Variants in FOCAD observed in about 807,000 individuals in gnomAD.
FOCAD encodes the protein focadhesin.
FOCAD carries 198 observed loss-of-function variants against 225.6 expected under a neutral mutation model. That is an observed-to-expected ratio of 0.88 (90% confidence interval 0.78 to 0.99). FOCAD has a LOEUF of 0.99. FOCAD is among the 50% of genes least tolerant of loss of function. The pLI is 0.00. For synonymous variants in FOCAD, 897 were observed against 755.0 expected, an observed-to-expected ratio of 1.19 and a Z score of -3.08; for missense variants, 2,713 against 2,123.6, an observed-to-expected ratio of 1.28 and a Z score of -5.46.
chr9:20,876,953 A>C (rs1197704397), intron 19 of FOCAD, among the ~76,000 whole-genome samples: 1 of 152,216 alleles, frequency 6.6e-6, no homozygotes, highest in Non-Finnish European at 1.5e-5. Context: ...TGTTACTGCT[A>C]TTGATTATTA....
chr9:20,811,856 G>A (rs1472980410), intron 11 of FOCAD, among the ~76,000 whole-genome samples: 1 of 151,926 alleles, frequency 6.6e-6, no homozygotes, highest in Non-Finnish European at 1.5e-5. Flanking sequence ...AGTTTTAAAA[G>A]TCTCTTCCAA....
chr9:20,974,464 C>G (rs555474972), intron 35 of FOCAD, among the ~76,000 whole-genome samples: 20 of 106,280 alleles, frequency 1.9e-4, no homozygotes, highest in African/African-American at 6.8e-4. Flanking sequence ...TTTGCTGTCT[C>G]TGCCCTACTT....
intron 11 of FOCAD, among the ~76,000 whole-genome samples, chr9:20,818,980 T>C (rs1848716754): frequency 6.6e-6 from 1 of 152,148 alleles, no homozygotes; most frequent in South Asian, 2.1e-4. Context: ...TTAACAATGT[T>C]ATGTCTTCTA....
intron 16 of FOCAD, among the ~76,000 whole-genome samples, chr9:20,863,775 GC>G (rs773707116): frequency 1.3e-5 from 2 of 152,046 alleles, no homozygotes; most frequent in African/African-American, 4.8e-5. Context: ...CCAATGTAAG[GC>G]CATATTGGGT....
intron 16 of FOCAD, among the ~76,000 whole-genome samples, chr9:20,865,109 G>A (rs1044435666): frequency 1.3e-5 from 2 of 151,992 alleles, no homozygotes; most frequent in African/African-American, 2.4e-5. Context: ...GAAGCTCAAA[G>A]GTAGGTAAAG....
At chr9:20,976,627 A>C in intron 36 of FOCAD, 79 bp downstream of exon 36, 1 of 1,427,264 alleles carries the variant, frequency 7.0e-7, no homozygotes, top group Admixed American at 1.7e-5. Flanking sequence ...TCTGTGTCAC[A>C]ATGTGTAGTG....
At chr9:20,756,881 C>T (rs1403831740) in intron 5 of FOCAD, among the ~76,000 whole-genome samples, 1 of 152,046 alleles carries the variant, frequency 6.6e-6, no homozygotes, top group Non-Finnish European at 1.5e-5. Context: ...TCCTTTTATG[C>T]TAAAAAGATT....
intron 41 of FOCAD, among the ~76,000 whole-genome samples, chr9:20,988,637 T>C (rs542725556): frequency 6.6e-6 from 1 of 152,216 alleles, no homozygotes; most frequent in South Asian, 2.1e-4. Context: ...CACTTAATGA[T>C]TCTCTGATGC....
In FOCAD at chr9:20,773,557, G is replaced by A. The variant is rs1243629467; in HGVS notation, c.906+3319G>A. ...GAAATAGAGGTTTCTAGCCACCACA[G>A]AAGTTCTCCACAAGCCCAGTCCTAT... On this transcript the variant is annotated intron_variant, in intron 8 of 43. Transcript: ENST00000338382. Among the ~76,000 whole-genome samples, 3 of 152,130 alleles carry A rather than the reference G, an allele frequency of 2.0e-5. No individual in the cohort carries two copies. In the East Asian group the frequency reaches 5.8e-4, roughly 29 times the overall value.
At chr9:20,790,592 C>T (rs145524558) in intron 11 of FOCAD, among the ~76,000 whole-genome samples, 5,823 of 152,084 alleles carry the variant, frequency 0.038, 143 homozygotes, top group African/African-American at 0.072. Context: ...GCCAACATGG[C>T]GAAACCTTGT....
chr9:20,813,463 AT>A (rs1192827523), intron 11 of FOCAD, among the ~76,000 whole-genome samples: 1 of 152,096 alleles, frequency 6.6e-6, no homozygotes, highest in African/African-American at 2.4e-5. Context: ...CCTTTTTTAC[AT>A]TCCCACCAAC....
At chr9:20,914,053 C>G (rs867447990) in intron 23 of FOCAD, among the ~76,000 whole-genome samples, 13 of 151,488 alleles carry the variant, frequency 8.6e-5, no homozygotes, top group Middle Eastern at 6.8e-3. Context: ...TCATTTGAGC[C>G]CAAGAGTTCA....
intron 8 of FOCAD, among the ~76,000 whole-genome samples, chr9:20,770,523 A>G (rs1188283095): frequency 6.6e-6 from 1 of 152,226 alleles, no homozygotes; most frequent in Non-Finnish European, 1.5e-5. Context: ...CACTATCACA[A>G]GAACAGCACC....
intron 24 of FOCAD, among the ~76,000 whole-genome samples, chr9:20,923,137 AGG>A (rs1036357672): frequency 7.2e-5 from 11 of 152,188 alleles, no homozygotes; most frequent in Admixed American, 6.5e-4. Flanking sequence ...AAGAGAAAGA[AGG>A]AGAGGATAAA....
intron 15 of FOCAD, among the ~76,000 whole-genome samples, chr9:20,830,147 C>T: frequency 6.6e-6 from 1 of 151,988 alleles, no homozygotes; most frequent in Admixed American, 6.6e-5. Context: ...TTTGTGTTCA[C>T]TTTACCTTGT....
upstream of FOCAD, among the ~76,000 whole-genome samples, chr9:20,682,253 G>A (rs1309236766): frequency 6.6e-6 from 1 of 152,138 alleles, no homozygotes; most frequent in African/African-American, 2.4e-5. Flanking sequence ...TGTTATAGCA[G>A]CCTGAACATA....
chr9:20,850,682 A>T (rs1827557548), intron 15 of FOCAD, among the ~76,000 whole-genome samples: 1 of 151,664 alleles, frequency 6.6e-6, no homozygotes, highest in African/African-American at 2.4e-5. Flanking sequence ...ATTTTCTTTT[A>T]TCATATATGA....
At chr9:20,844,844 A>G (rs986389413) in intron 15 of FOCAD, among the ~76,000 whole-genome samples, 1 of 152,072 alleles carries the variant, frequency 6.6e-6, no homozygotes, top group Non-Finnish European at 1.5e-5. Context: ...TGATGGGTTT[A>G]TTGAGTGATT....
chr9:20,843,371 A>G (rs904483656), intron 15 of FOCAD, among the ~76,000 whole-genome samples: 1 of 152,028 alleles, frequency 6.6e-6, no homozygotes, highest in African/African-American at 2.4e-5. Flanking sequence ...TTTTTACTGA[A>G]TATACTGTTC....
Sources: allele counts gnomAD v4.1 joint callset (sites outside exome capture counted in the v4.1 genomes callset), GRCh38; gene constraint gnomAD v4.1.1; transcripts MANE v1.5; gene names NCBI Gene and HGNC (gene_info 2026-07-23, HGNC 2026-07-21).